DCAF7: variants seen among roughly 807,000 people sequenced by gnomAD.
The protein encoded by DCAF7 is DDB1- and CUL4-associated factor 7.
DCAF7 carries 4 observed loss-of-function variants against 41.2 expected under a neutral mutation model. The ratio of observed to expected loss-of-function variants is 0.10; its 90% CI spans 0.05 to 0.22. DCAF7 has a LOEUF of 0.22. Ranked by LOEUF, DCAF7 falls within the 10% of genes least tolerant of loss-of-function variation. DCAF7 has a pLI of 1.00. For synonymous variants in DCAF7, 143 were observed against 164.2 expected (o/e 0.87, Z 0.99); for missense variants, 131 against 443.2 (o/e 0.30, Z 6.32).
At chr17:63,574,493 G>A (rs1161869025) in intron 1 of DCAF7, among the ~76,000 whole-genome samples, 1 of 152,076 alleles carries the variant, frequency 6.6e-6, no homozygotes, top group Non-Finnish European at 1.5e-5. Context: ...TTAGTCATAT[G>A]GATTTTTAAG....
intron 1 of DCAF7, among the ~76,000 whole-genome samples, chr17:63,576,527 G>T (rs1354533168): frequency 2.0e-5 from 3 of 152,136 alleles, no homozygotes; most frequent in Non-Finnish European, 4.4e-5. Context: ...ATGACTCAGA[G>T]ACCTAAATAT....
At chr17:63,584,753 C>G (rs1361117301) in intron 5 of DCAF7, among the ~76,000 whole-genome samples, 1 of 152,046 alleles carries the variant, frequency 6.6e-6, no homozygotes, top group Non-Finnish European at 1.5e-5. Flanking sequence ...AGGGCATGCT[C>G]TGTCTCAAAA....
At chr17:63,579,746 G>A (rs1395255378) in intron 3 of DCAF7, 79 bp from the exon 4 acceptor site, 1 of 1,233,128 alleles carries the variant, frequency 8.1e-7, no homozygotes, top group Non-Finnish European at 1.2e-6. Flanking sequence ...CCTGGGCTGA[G>A]CAGATGAGTA....
At chr17:63,585,364 T>C in intron 6 of DCAF7, 36 bp downstream of exon 6, 1 of 1,566,394 alleles carries the variant, frequency 6.4e-7, no homozygotes, top group Non-Finnish European at 8.8e-7. Context: ...CTGGGAAGGA[T>C]GGAGGAAATC....
chr17:63,561,515 T>C (rs576907862), intron 1 of DCAF7, among the ~76,000 whole-genome samples: 1 of 152,198 alleles, frequency 6.6e-6, no homozygotes, highest in East Asian at 1.9e-4. Flanking sequence ...GCCCAGGAGT[T>C]TGAGATCAGC....
intron 1 of DCAF7, among the ~76,000 whole-genome samples, chr17:63,560,086 A>C (rs2033364822): frequency 1.3e-5 from 2 of 152,140 alleles, no homozygotes; most frequent in South Asian, 4.1e-4. Context: ...AGATAGGAAG[A>C]GTTTCCAGAA....
At chr17:63,558,328 T>C (rs2033332854) in intron 1 of DCAF7, among the ~76,000 whole-genome samples, 1 of 152,202 alleles carries the variant, frequency 6.6e-6, no homozygotes, top group South Asian at 2.1e-4. Context: ...TGGAGCAATG[T>C]CTAGGAATGT....
At chr17:63,567,952 A>G (rs1471271925) in intron 1 of DCAF7, among the ~76,000 whole-genome samples, 1 of 152,052 alleles carries the variant, frequency 6.6e-6, no homozygotes, top group Admixed American at 6.6e-5. Context: ...GTCATGAGCC[A>G]CCGCACCCAG....
At chr17:63,580,268 C>G (rs190182545) in intron 4 of DCAF7, among the ~76,000 whole-genome samples, 6 of 152,036 alleles carry the variant, frequency 3.9e-5, no homozygotes, top group African/African-American at 1.4e-4. Context: ...TAGAGTAATA[C>G]TTATCTTGAA....
chr17:63,574,304 T>A (rs2033538429), intron 1 of DCAF7, among the ~76,000 whole-genome samples: 1 of 152,198 alleles, frequency 6.6e-6, no homozygotes, highest in South Asian at 2.1e-4. Flanking sequence ...TATCGATTAT[T>A]ATCTGTGTCA....
intron 6 of DCAF7, among the ~76,000 whole-genome samples, chr17:63,588,098 T>C (rs77629874): frequency 0.013 from 1,922 of 152,086 alleles, 31 homozygotes; most frequent in African/African-American, 0.043. Flanking sequence ...ATTCTCATTT[T>C]AATATATTTC....
At chr17:63,557,077 G>T (rs1325982314) in intron 1 of DCAF7, among the ~76,000 whole-genome samples, 1 of 152,124 alleles carries the variant, frequency 6.6e-6, no homozygotes, top group Non-Finnish European at 1.5e-5. Context: ...GCTGTAGAAA[G>T]ATGCTATTAG....
chr17:63,583,493 C>A lies in DCAF7; in HGVS notation c.529-9C>A, dbSNP rs751473688. 1 of 1,612,512 alleles carries A rather than the reference C, an allele frequency of 6.2e-7. No homozygotes were observed. The highest frequency in any genetic ancestry group is 8.5e-7 in the Non-Finnish European group (1 of 1,179,022). On this transcript the variant is annotated splice_polypyrimidine_tract_variant and intron_variant, in intron 4 of 6. Coordinates refer to ENST00000614556, the MANE Select transcript of DCAF7 (RefSeq NM_005828.5). The stretch of plus-strand genomic sequence containing the variant: ...CTGAATCTGACTGGAGCTTCTTGTT[C>A]ACCAACAGGTCTATGATATTGCATT...
intron 1 of DCAF7, among the ~76,000 whole-genome samples, chr17:63,553,914 C>T (rs1396084712): frequency 1.3e-5 from 2 of 152,086 alleles, no homozygotes; most frequent in Admixed American, 1.3e-4. Flanking sequence ...TAAAAAGCCC[C>T]ATTATAGGGC....
intron 6 of DCAF7, among the ~76,000 whole-genome samples, chr17:63,586,142 A>AAAAC (rs1555682476): frequency 7.4e-5 from 11 of 149,244 alleles, no homozygotes; most frequent in African/African-American, 2.8e-4. Context: ...AAAAAAAAAA[A>AAAAC]AAAAAAAGTA....
chr17:63,559,431 A>AG (rs1754453514), intron 1 of DCAF7, among the ~76,000 whole-genome samples: 1 of 98,320 alleles, frequency 1.0e-5, no homozygotes, highest in East Asian at 2.4e-4. Flanking sequence ...GTATATATAT[A>AG]TGTGTGTGTA....
At chr17:63,588,376 T>C (rs1444990758) in intron 6 of DCAF7, among the ~76,000 whole-genome samples, 2 of 150,142 alleles carry the variant, frequency 1.3e-5, no homozygotes, top group East Asian at 3.9e-4. Flanking sequence ...TTTTTTTTTT[T>C]AGTAGAGATG....
rs140394539 is a variant in DCAF7 at position 63,585,819 on chromosome 17, C to T, written c.856+491C>T. Among the ~76,000 whole-genome samples, 133 of 152,270 alleles carry T rather than the reference C, an allele frequency of 8.7e-4. 1 individual carries two copies. The East Asian group carries it at 0.024, about 27-fold the overall frequency. On this transcript the variant is annotated intron_variant, in intron 6 of 6. Transcript: ENST00000614556. Reference sequence around the variant, plus strand: ...GGTTTTCATTTCACTGTTTCCCAGACCAAAGCTAGCACCCCTTACGGGCTG... The same window carrying T: ...GGTTTTCATTTCACTGTTTCCCAGATCAAAGCTAGCACCCCTTACGGGCTG...
chr17:63,569,347 G>A (rs893986006), intron 1 of DCAF7, among the ~76,000 whole-genome samples: 6 of 151,176 alleles, frequency 4.0e-5, no homozygotes, highest in African/African-American at 1.2e-4. Flanking sequence ...TTTCTTATAG[G>A]GTGTGTTGGA....
Sources: allele counts gnomAD v4.1 joint callset (sites outside exome capture counted in the v4.1 genomes callset), GRCh38; gene constraint gnomAD v4.1.1; transcripts MANE v1.5; gene names NCBI Gene and HGNC (gene_info 2026-07-23, HGNC 2026-07-21).